Variants in IRS1 observed in about 807,000 individuals in gnomAD.
IRS1 encodes insulin receptor substrate 1.
IRS1 carries 34 observed loss-of-function variants against 65.6 expected under a neutral mutation model. The observed-to-expected ratio is 0.52, with a 90% CI of 0.39 to 0.69. The LOEUF (loss-of-function observed/expected upper bound fraction) is 0.69, where lower values mean the gene tolerates loss of function less well. IRS1 is among the 30% of genes least tolerant of loss of function. IRS1 has a pLI of 0.00. For synonymous variants in IRS1, 699 were observed against 683.5 expected (o/e 1.02, Z -0.35); for missense variants, 1,641 against 1,720.2 (o/e 0.95, Z 0.81).
rs1222939491 is a variant in IRS1 at position 226,798,729 on chromosome 2, G to A, written c.10C>T (p.Pro4Ser). The A allele has an allele frequency of 8.1e-6, 13 of 1,611,488 alleles. No homozygotes were observed. The highest frequency in any genetic ancestry group is 1.7e-5 in the Admixed American group (1 of 59,858). Residue 4 changes from proline (P) to serine (S), a missense_variant, in exon 1 of 2, where the codon CCT becomes TCT. This residue lies in a region of IRS1 where 240 missense variants were observed against 229.6 expected (regional missense o/e 1.05). Transcript: ENST00000305123. The surrounding 1 kb of genome is among the most constrained non-coding windows in gnomAD (Gnocchi z 9.4). ...TCCGAGAAGCCATCGCTCTCCGGAG[G>A]GCTCGCCATGCTGCCACCGCCACCA... Reference protein sequence around the residue: MASPPESDGFSDVR... With the variant: MASSPESDGFSDVR...
intron 1 of IRS1, among the ~76,000 whole-genome samples, chr2:226,762,330 C>T (rs1194511741): frequency 7.1e-6 from 1 of 141,710 alleles, no homozygotes; most frequent in East Asian, 2.0e-4. Flanking sequence ...ATATTACTAT[C>T]TAAAATGCCA....
At chr2:226,744,338 T>G (rs1938496695) in intron 1 of IRS1, among the ~76,000 whole-genome samples, 1 of 152,194 alleles carries the variant, frequency 6.6e-6, no homozygotes, top group Admixed American at 6.5e-5. Flanking sequence ...AACCATGAGG[T>G]ACCTCAGCTG....
intron 1 of IRS1, among the ~76,000 whole-genome samples, chr2:226,750,337 G>T (rs776326685): frequency 3.3e-5 from 5 of 151,484 alleles, no homozygotes; most frequent in African/African-American, 9.7e-5. Flanking sequence ...GAGACTAAGC[G>T]TTCTCCTCAC....
At position 226,782,700 on chromosome 2, in the gene IRS1, G is replaced by A. The variant is rs9282770; in HGVS notation, c.*21+12289C>T. 3.3e-4 allele frequency among the ~76,000 whole-genome samples: 50 copies of A among 152,334 alleles called. 1 individual carries two copies. In the East Asian group the frequency reaches 8.3e-3, roughly 25 times the overall value. On this transcript the variant is annotated intron_variant, in intron 1 of 1. Coordinates refer to ENST00000305123, the MANE Select transcript of IRS1 (RefSeq NM_005544.3). ...GTCCTATGTGAGCCACCTGAGGACT[G>A]TTACAAAGTGTAATCCTTGGTTGGG...
intron 1 of IRS1, among the ~76,000 whole-genome samples, chr2:226,786,463 T>C (rs1246321667): frequency 6.6e-6 from 1 of 152,088 alleles, no homozygotes; most frequent in African/African-American, 2.4e-5. Context: ...GATCTGAGCA[T>C]ATTCTTCCAT....
intron 1 of IRS1, among the ~76,000 whole-genome samples, chr2:226,743,201 C>T (rs1938474503): frequency 6.6e-6 from 1 of 151,530 alleles, no homozygotes; most frequent in African/African-American, 2.4e-5. Context: ...CATTTCAAGT[C>T]AGACCACACG....
intron 1 of IRS1, among the ~76,000 whole-genome samples, chr2:226,778,743 G>A (rs1380321826): frequency 6.6e-6 from 1 of 152,202 alleles, no homozygotes; most frequent in Non-Finnish European, 1.5e-5. Flanking sequence ...CTTGTGGCCA[G>A]CCCCAGTCTT....
intron 1 of IRS1, among the ~76,000 whole-genome samples, chr2:226,781,013 A>C (rs1000070469): frequency 1.2e-4 from 18 of 152,204 alleles, no homozygotes; most frequent in Non-Finnish European, 1.8e-4. Flanking sequence ...GCCTACTCTC[A>C]AATAGCTCAC....
Position 226,796,270 on chromosome 2 carries a change from A to G in IRS1, c.2469T>C (p.Ala823=), listed in dbSNP as rs1437745017. The G allele has an allele frequency of 3.7e-6, 6 of 1,613,490 alleles. No homozygotes were observed. In the African/African-American group the frequency reaches 8.0e-5, roughly 21 times the overall value. ...SDSLGGGYCG[A]RLEPSLPHPH... ...GATGTGGAAGGCTGGGCTCCAGCCT[A>G]GCCCCGCAGTATCCCCCACCCAGGC... Residue 823 remains alanine (A), a synonymous_variant, in exon 1 of 2, where the codon GCT becomes GCC. Transcript: ENST00000305123.
chr2:226,748,961 C>G (rs537623336), intron 1 of IRS1, among the ~76,000 whole-genome samples: 4 of 152,108 alleles, frequency 2.6e-5, no homozygotes, highest in Admixed American at 6.5e-5. Context: ...TTAAATATAG[C>G]AAAAGGAGCT....
chr2:226,798,372 C>G lies in IRS1; in HGVS notation c.367G>C (p.Gly123Arg), dbSNP rs1401391365. Residue 123 changes from glycine (G) to arginine (R), a missense_variant, in exon 1 of 2, where the codon GGA becomes CGA. Around this residue, in one of 3 missense-constraint regions of IRS1, gnomAD observed 240 missense variants for 229.6 expected, o/e 1.05. Transcript: ENST00000305123. The surrounding 1 kb of genome is among the most constrained non-coding windows in gnomAD (Gnocchi z 9.4). ...CCTCCCGCCCCGAGGGCCGCAGCTCCGTCGTGGTGGCCCTTAGCACGGTTG... is the reference window on the plus strand; with the variant it reads ...CCTCCCGCCCCGAGGGCCGCAGCTCGGTCGTGGTGGCCCTTAGCACGGTTG... ...LHNRAKGHHD[G>R]AAALGAGGGG... is the part of the protein sequence containing the mutation. 1.9e-6 allele frequency: 3 copies of G among 1,613,724 alleles called. No homozygotes were observed. The highest frequency in any genetic ancestry group is 2.5e-6 in the Non-Finnish European group (3 of 1,179,986).
chr2:226,797,732 A>G lies in IRS1; in HGVS notation c.1007T>C (p.Met336Thr), dbSNP rs746219409. The G allele has an allele frequency of 6.3e-7, 1 of 1,597,726 alleles. No individual in the cohort carries two copies. The highest frequency in any genetic ancestry group is 8.5e-7 in the Non-Finnish European group (1 of 1,178,274). ...GCCGTCCACCGAGGCTGGGCGGGACATGGTGCCTTCGCCGTCACTGGAGGC... is the reference window on the plus strand; with the variant it reads ...GCCGTCCACCGAGGCTGGGCGGGACGTGGTGCCTTCGCCGTCACTGGAGGC... ...VRASSDGEGTMSRPASVDGSP... is the reference protein window; with the variant it reads ...VRASSDGEGTTSRPASVDGSP... Residue 336 changes from methionine (M) to threonine (T), a missense_variant, in exon 1 of 2, where the codon ATG becomes ACG. This residue lies in a region of IRS1 where 1,324 missense variants were observed against 1,361.0 expected (regional missense o/e 0.97). Transcript: ENST00000305123. This position sits in a 1 kb window ranked among gnomAD's most constrained non-coding sequence, Gnocchi z 8.1.
At chr2:226,776,610 C>T (rs1939279223) in intron 1 of IRS1, among the ~76,000 whole-genome samples, 1 of 152,108 alleles carries the variant, frequency 6.6e-6, no homozygotes, top group Non-Finnish European at 1.5e-5. Flanking sequence ...GGCACTGTTA[C>T]AAAGTGTAAT....
rs374606912 is a variant in IRS1 at position 226,774,947 on chromosome 2, G to C, written c.*21+20042C>G. On this transcript the variant is annotated intron_variant, in intron 1 of 1. Transcript: ENST00000305123. ...CCAGGGGTTGGGGAGAGAGAGGAAG[G>C]GTTGAATAAGTGAAGCACAGAGCAT... is the stretch of plus-strand genomic sequence containing the variant. 1.4e-4 allele frequency among the ~76,000 whole-genome samples: 22 copies of C among 152,248 alleles called. No individual in the cohort carries two copies. In the East Asian group the frequency reaches 3.9e-3, roughly 27 times the overall value.
At chr2:226,737,864 C>T (rs1259992865) in intron 1 of IRS1, among the ~76,000 whole-genome samples, 3 of 152,056 alleles carry the variant, frequency 2.0e-5, no homozygotes, top group Non-Finnish European at 4.4e-5. Flanking sequence ...AGGCTTGCCA[C>T]GTGGTAGTAC....
At chr2:226,772,963 A>T (rs1939192623) in intron 1 of IRS1, among the ~76,000 whole-genome samples, 1 of 152,182 alleles carries the variant, frequency 6.6e-6, no homozygotes, top group Non-Finnish European at 1.5e-5. Flanking sequence ...CAGCATATGT[A>T]CTCCAGAGAA....
intron 1 of IRS1, among the ~76,000 whole-genome samples, chr2:226,784,294 TCCTTA>T (rs1297588442): frequency 1.3e-5 from 2 of 152,242 alleles, no homozygotes; most frequent in Non-Finnish European, 2.9e-5. Context: ...ATTTCATTCC[TCCTTA>T]CTTTAATCTG....
At chr2:226,739,099 A>G (rs1938387878) in intron 1 of IRS1, among the ~76,000 whole-genome samples, 1 of 152,198 alleles carries the variant, frequency 6.6e-6, no homozygotes, top group African/African-American at 2.4e-5. Context: ...GATCTCTGTC[A>G]TTATCCACAA....
intron 1 of IRS1, among the ~76,000 whole-genome samples, chr2:226,766,966 AT>A: frequency 6.6e-6 from 1 of 152,238 alleles, no homozygotes; most frequent in East Asian, 1.9e-4. Flanking sequence ...AAAAAACATC[AT>A]TAAAAGTTTA....
Sources: allele counts gnomAD v4.1 joint callset (sites outside exome capture counted in the v4.1 genomes callset), GRCh38; gene constraint gnomAD v4.1.1; regional missense constraint gnomAD v4.1.1; non-coding constraint Gnocchi (gnomAD v3.1); transcripts MANE v1.5; gene names NCBI Gene and HGNC (gene_info 2026-07-23, HGNC 2026-07-21).